The following ERICH2 variants were observed in gnomAD, a reference collection of about 807,000 sequenced individuals.
ERICH2 encodes the protein glutamate rich 2.
Under a neutral mutation model 17.4 loss-of-function variants are expected in ERICH2, and 17 were observed. The observed-to-expected ratio is 0.98, with a 90% CI of 0.67 to 1.47. The LOEUF (loss-of-function observed/expected upper bound fraction) is 1.47, where lower values mean the gene tolerates loss of function less well. ERICH2 is among the 40% of genes most tolerant of loss of function. The pLI is 0.00. For synonymous variants in ERICH2, 51 were observed against 61.1 expected, an observed-to-expected ratio of 0.83 and a Z score of 0.77; for missense variants, 186 against 183.2, an observed-to-expected ratio of 1.01 and a Z score of -0.09.
At position 170,791,527 on chromosome 2, in the gene ERICH2, T is replaced by TAAAAAA. The variant is rs10658304; in HGVS notation, c.217-1328_217-1323dup. Among the ~76,000 whole-genome samples, 28 of 121,584 alleles carry TAAAAAA rather than the reference T, an allele frequency of 2.3e-4. 1 individual carries two copies. Among genetic ancestry groups the TAAAAAA allele is most frequent in the African/African-American group, 7.3e-4 (25 of 34,054 alleles). 79.8% of individuals were successfully genotyped at this position (121,584 alleles called of 152,430 possible). A position where few individuals can be genotyped will look rare whatever the true frequency, so the allele number is the denominator to read the frequency against. On this transcript the variant is annotated intron_variant, in intron 2 of 4. Transcript: ENST00000409885. ...TAACATGGTGAAACCCCGTCTCTACTAAAAAAAAAAAAATTAGCCGGGCGT... is the reference window on the plus strand; with the variant it reads ...TAACATGGTGAAACCCCGTCTCTACTAAAAAAAAAAAAAAAAAAATTAGCCGGGCGT...
the ERICH2 span, chr2:170,778,181 C>T: frequency 6.6e-6 from 1 of 152,180 alleles, no homozygotes; most frequent in Non-Finnish European, 1.5e-5. Flanking sequence ...AATCACAGTA[C>T]AATATCAATT....
At chr2:170,796,440 G>GTTTGTTT (rs1701422365) in intron 3 of ERICH2, among the ~76,000 whole-genome samples, 1 of 83,452 alleles carries the variant, frequency 1.2e-5, no homozygotes, top group African/African-American at 3.7e-5. Flanking sequence ...TTTTTTTTTT[G>GTTTGTTT]TTTTTTTTTT....
At chr2:170,773,086 T>TC in the ERICH2 span, among the ~76,000 whole-genome samples, 5 of 152,198 alleles carry the variant, frequency 3.3e-5, no homozygotes, top group East Asian at 9.6e-4. Context: ...CTGGGGAGGT[T>TC]CAGAATCTTG....
At chr2:170,797,913 T>C in intron 3 of ERICH2, 128 bp from the exon 9 acceptor site, 1 of 630,162 alleles carries the variant, frequency 1.6e-6, no homozygotes, top group Non-Finnish European at 2.8e-6. Context: ...TGTGGTATAA[T>C]TGTTAGTGTT....
At chr2:170,772,322 T>C in the ERICH2 span, among the ~76,000 whole-genome samples, 2 of 152,338 alleles carry the variant, frequency 1.3e-5, no homozygotes, top group Non-Finnish European at 2.9e-5. Context: ...GCTGTAAATA[T>C]TAACAATAGT....
the ERICH2 span, among the ~76,000 whole-genome samples, chr2:170,774,249 C>A: frequency 6.6e-6 from 1 of 152,298 alleles, no homozygotes; most frequent in East Asian, 1.9e-4. Context: ...TTGTCTCAAT[C>A]ACAGTAAAGG....
At chr2:170,774,119 C>T in the ERICH2 span, among the ~76,000 whole-genome samples, 1 of 152,168 alleles carries the variant, frequency 6.6e-6, no homozygotes, top group Non-Finnish European at 1.5e-5. Context: ...TTAAAAGAAA[C>T]ACCTTTATCT....
At chr2:170,785,481 T>C (rs144297988) in intron 2 of ERICH2, among the ~76,000 whole-genome samples, 2 of 152,198 alleles carry the variant, frequency 1.3e-5, no homozygotes, top group Admixed American at 6.5e-5. Context: ...CTGGGCACCA[T>C]GCTAGTTGCT....
intron 3 of ERICH2, among the ~76,000 whole-genome samples, chr2:170,797,397 G>T (rs1047368004): frequency 2.6e-5 from 4 of 152,132 alleles, no homozygotes; most frequent in African/African-American, 9.7e-5. Context: ...TGCAGAATTT[G>T]TACCTTCTTT....
chr2:170,783,676 A>G (rs1341479544), upstream of ERICH2: 5 of 1,009,368 alleles, frequency 5.0e-6, no homozygotes, highest in Non-Finnish European at 5.9e-6. Flanking sequence ...GGGATCAGGA[A>G]ACTTCTCTCA....
chr2:170,798,196 A>T, intron 4 of ERICH2, 84 bp downstream of exon 9: 1 of 921,802 alleles, frequency 1.1e-6, no homozygotes, highest in Non-Finnish European at 1.7e-6. Flanking sequence ...GAGATTGTCG[A>T]TACATCTTTA....
At chr2:170,787,887 T>G (rs2105703256) in intron 2 of ERICH2, among the ~76,000 whole-genome samples, 1 of 152,342 alleles carries the variant, frequency 6.6e-6, no homozygotes, top group East Asian at 1.9e-4. Context: ...GTGGTATCTG[T>G]TGTCCAGTTT....
chr2:170,778,768 T>C, the ERICH2 span, among the ~76,000 whole-genome samples: 3 of 152,132 alleles, frequency 2.0e-5, no homozygotes, highest in African/African-American at 7.2e-5. Context: ...TAACTTTCAA[T>C]AATAGTAATA....
the ERICH2 span, among the ~76,000 whole-genome samples, chr2:170,770,419 G>C: frequency 2.6e-5 from 4 of 152,180 alleles, no homozygotes; most frequent in Non-Finnish European, 5.9e-5. Context: ...AACCTGGGCT[G>C]CTCTAGCTGG....
chr2:170,794,222 T>C (rs1701364118), intron 3 of ERICH2, among the ~76,000 whole-genome samples: 1 of 150,828 alleles, frequency 6.6e-6, no homozygotes, highest in Non-Finnish European at 1.5e-5. Flanking sequence ...TTCTTATGCT[T>C]CAGCCTCATA....
chr2:170,792,953 T>G (rs1002235734), intron 3 of ERICH2, 33 bp downstream of exon 8: 3 of 1,299,420 alleles, frequency 2.3e-6, no homozygotes, highest in African/African-American at 3.0e-5. Context: ...TTTTCTAATC[T>G]TCTCTTTGTT....
the ERICH2 span, among the ~76,000 whole-genome samples, chr2:170,776,035 G>A: frequency 6.6e-6 from 1 of 151,750 alleles, no homozygotes; most frequent in Non-Finnish European, 1.5e-5. Flanking sequence ...TTGTTACTTA[G>A]GAAAATTTTA....
intron 2 of ERICH2, among the ~76,000 whole-genome samples, chr2:170,787,578 A>G (rs1701186825): frequency 6.6e-6 from 1 of 152,218 alleles, no homozygotes; most frequent in Non-Finnish European, 1.5e-5. Flanking sequence ...CTTTCTCCAG[A>G]TTCAGATAGT....
chr2:170,788,835 A>G (rs1430966700), intron 2 of ERICH2, among the ~76,000 whole-genome samples: 4 of 152,066 alleles, frequency 2.6e-5, no homozygotes, highest in African/African-American at 9.7e-5. Flanking sequence ...TGAACACCTG[A>G]ATACTCTTTA....
Sources: allele counts gnomAD v4.1 joint callset (sites outside exome capture counted in the v4.1 genomes callset), GRCh38; gene constraint gnomAD v4.1.1; transcripts MANE v1.5; gene names NCBI Gene and HGNC (gene_info 2026-07-23, HGNC 2026-07-21).